Variants in COP1 observed in about 807,000 individuals in gnomAD.
COP1 encodes the protein COP1 E3 ubiquitin ligase, also known as E3 ubiquitin-protein ligase COP1.
Under a neutral mutation model 101.3 loss-of-function variants are expected in COP1, and 24 were observed. The observed-to-expected ratio is 0.24, with a 90% CI of 0.17 to 0.33. The LOEUF (loss-of-function observed/expected upper bound fraction) is 0.33. Among genes scored for constraint, COP1 ranks in the 10% least tolerant of loss-of-function variants. The probability of loss-of-function intolerance (pLI) is 1.00; values close to 1 mark genes in which losing one functional copy is unlikely to be tolerated. For missense variants in COP1, 663 were observed against 906.2 expected, an observed-to-expected ratio of 0.73 and a Z score of 3.45; for synonymous variants, 347 against 341.9, an observed-to-expected ratio of 1.01 and a Z score of -0.17.
chr1:176,205,235 TGTA>T (rs1210850633), intron 1 of COP1, among the ~76,000 whole-genome samples: 1 of 152,222 alleles, frequency 6.6e-6, no homozygotes, highest in Non-Finnish European at 1.5e-5. Flanking sequence ...CTATCGACTG[TGTA>T]GAAGTGCAAA....
At chr1:176,048,718 T>A (rs540430764) in intron 11 of COP1, among the ~76,000 whole-genome samples, 1 of 152,344 alleles carries the variant, frequency 6.6e-6, no homozygotes. Context: ...CCTACTCATA[T>A]ACATAGCTAA....
chr1:175,989,677 T>C (rs1657945274), intron 15 of COP1, among the ~76,000 whole-genome samples, 198 bp from the exon 16 acceptor site: 1 of 152,082 alleles, frequency 6.6e-6, no homozygotes, highest in South Asian at 2.1e-4. Context: ...TCAAAATAAC[T>C]GGAAACTTAA....
At chr1:176,170,955 C>T (rs1695952476) in intron 3 of COP1, among the ~76,000 whole-genome samples, 5 of 151,858 alleles carry the variant, frequency 3.3e-5, no homozygotes, top group Admixed American at 3.3e-4. Context: ...GAAACCCCAT[C>T]TCTACTAAAA....
chr1:176,190,942 G>A (rs1177144682), intron 1 of COP1, among the ~76,000 whole-genome samples: 1 of 151,828 alleles, frequency 6.6e-6, no homozygotes, highest in African/African-American at 2.4e-5. Context: ...ATATTACTGA[G>A]ATAATCAGAG....
At chr1:175,962,508 T>G (rs1651495926) in intron 18 of COP1, among the ~76,000 whole-genome samples, 1 of 152,192 alleles carries the variant, frequency 6.6e-6, no homozygotes, top group African/African-American at 2.4e-5. Flanking sequence ...CTTGTCTAAA[T>G]GGTATAAAAA....
intron 10 of COP1, among the ~76,000 whole-genome samples, chr1:176,082,170 T>G (rs984495157): frequency 6.6e-6 from 1 of 152,228 alleles, no homozygotes; most frequent in Non-Finnish European, 1.5e-5. Context: ...GAACATATAC[T>G]TTCCTTTCTG....
intron 11 of COP1, among the ~76,000 whole-genome samples, chr1:176,060,945 A>G (rs1401598828): frequency 6.6e-6 from 1 of 152,220 alleles, no homozygotes; most frequent in Admixed American, 6.5e-5. Context: ...CAAGAAAAAA[A>G]AGAAGAGCTC....
intron 6 of COP1, among the ~76,000 whole-genome samples, chr1:176,148,604 A>G (rs1007615546): frequency 1.3e-5 from 2 of 152,128 alleles, no homozygotes; most frequent in African/African-American, 4.8e-5. Flanking sequence ...CTAAATAGGT[A>G]GCTATGTTTT....
At chr1:175,991,823 T>C (rs1005791536) in intron 15 of COP1, among the ~76,000 whole-genome samples, 12 of 152,200 alleles carry the variant, frequency 7.9e-5, no homozygotes, top group African/African-American at 2.7e-4. Context: ...CCTCCACGTT[T>C]TGTCTCACTG....
At chr1:176,029,314 A>T (rs1463887603) in intron 14 of COP1, among the ~76,000 whole-genome samples, 1 of 152,224 alleles carries the variant, frequency 6.6e-6, no homozygotes, top group Non-Finnish European at 1.5e-5. Context: ...AGTGATATAT[A>T]TTAAAATTTG....
chr1:176,056,051 T>A (rs1673422067), intron 11 of COP1, among the ~76,000 whole-genome samples: 2 of 152,190 alleles, frequency 1.3e-5, no homozygotes, highest in Admixed American at 1.3e-4. Context: ...ACTGGTTTGA[T>A]TTCCATTTTG....
intron 15 of COP1, among the ~76,000 whole-genome samples, chr1:176,003,123 T>A (rs1662161849): frequency 6.6e-6 from 1 of 152,174 alleles, no homozygotes; most frequent in Admixed American, 6.6e-5. Context: ...ATGAGCATTT[T>A]TTCATGTGTT....
chr1:175,946,066 A>T (rs16849438), intron 19 of COP1, among the ~76,000 whole-genome samples: 1 of 152,196 alleles, frequency 6.6e-6, no homozygotes, highest in African/African-American at 2.4e-5. Flanking sequence ...AGTAAGGTGT[A>T]GCTTTTCAAT....
intron 15 of COP1, among the ~76,000 whole-genome samples, chr1:175,995,701 A>T (rs1571498510): frequency 6.6e-6 from 1 of 152,380 alleles, no homozygotes; most frequent in East Asian, 1.9e-4. Context: ...AACCAGGAAG[A>T]AATTGAATCT....
At position 176,147,366 on chromosome 1, in the gene COP1, GTAGA is replaced by G. The variant is rs988553054; in HGVS notation, c.831+1636_831+1639del. On this transcript the variant is annotated intron_variant, in intron 6 of 19. Transcript: ENST00000367669. Reference sequence around the variant, plus strand: ...AAATTCAAGAAATTTAATCAAAGTAGTAGATAAACGTTTACAATTTGTTACCTAG... The same window carrying G: ...AAATTCAAGAAATTTAATCAAAGTAGTAAACGTTTACAATTTGTTACCTAG... Among the ~76,000 whole-genome samples the G allele has an allele frequency of 9.9e-4, 151 of 152,242 alleles. 3 individuals are homozygous for G. The highest frequency in any genetic ancestry group is 3.5e-3 in the African/African-American group (144 of 41,550).
chr1:176,079,216 A>G (rs1678644464), intron 11 of COP1, among the ~76,000 whole-genome samples: 1 of 152,220 alleles, frequency 6.6e-6, no homozygotes, highest in Non-Finnish European at 1.5e-5. Flanking sequence ...TATTCACAGT[A>G]ACGAAGACAT....
chr1:176,062,777 T>TAAATA (rs149341857), intron 11 of COP1, among the ~76,000 whole-genome samples: 63 of 151,880 alleles, frequency 4.1e-4, no homozygotes, highest in African/African-American at 1.4e-3. Context: ...TTCAAATGAA[T>TAAATA]AAACTGTAGA....
intron 9 of COP1, among the ~76,000 whole-genome samples, chr1:176,090,018 T>C (rs1239343139): frequency 2.0e-5 from 3 of 152,226 alleles, no homozygotes; most frequent in African/African-American, 7.2e-5. Context: ...TACCATCTAC[T>C]GCCTCTAAAG....
At chr1:176,042,706 G>A (rs1670830237) in intron 14 of COP1, among the ~76,000 whole-genome samples, 1 of 140,848 alleles carries the variant, frequency 7.1e-6, no homozygotes, top group African/African-American at 2.7e-5. Flanking sequence ...ACTCCAGCCT[G>A]GGCGACACAG....
Sources: allele counts gnomAD v4.1 joint callset (sites outside exome capture counted in the v4.1 genomes callset), GRCh38; gene constraint gnomAD v4.1.1; transcripts MANE v1.5; gene names NCBI Gene and HGNC (gene_info 2026-07-23, HGNC 2026-07-21).